The following NDST3 variants were observed in gnomAD, a reference collection of about 807,000 sequenced individuals.
NDST3 encodes the protein N-deacetylase and N-sulfotransferase 3.
Under a neutral mutation model 96.1 loss-of-function variants are expected in NDST3, and 58 were observed. The ratio of observed to expected loss-of-function variants is 0.60; its 90% CI spans 0.49 to 0.75. The LOEUF (loss-of-function observed/expected upper bound fraction) is 0.75, where lower values mean the gene tolerates loss of function less well. Among genes scored for constraint, NDST3 ranks in the 30% least tolerant of loss-of-function variants. NDST3 has a pLI of 0.00. For synonymous variants in NDST3, 333 were observed against 359.7 expected, an observed-to-expected ratio of 0.93 and a Z score of 0.84; for missense variants, 788 against 1,034.2, an observed-to-expected ratio of 0.76 and a Z score of 3.27.
intron 6 of NDST3, chr4:118,193,949 G>C: frequency 1.1e-6 from 1 of 938,902 alleles, no homozygotes; most frequent in Non-Finnish European, 1.8e-6. Flanking sequence ...GAAGTACACA[G>C]TGTCCCACTC....
chr4:118,129,294 G>GT (rs1365955266), intron 4 of NDST3, among the ~76,000 whole-genome samples: 1 of 151,566 alleles, frequency 6.6e-6, no homozygotes, highest in African/African-American at 2.4e-5. Flanking sequence ...TTATTTGAAG[G>GT]TTTTTTCTTT....
At chr4:118,054,998 G>A in intron 2 of NDST3, 107 bp downstream of exon 2, 1 of 1,368,876 alleles carries the variant, frequency 7.3e-7, no homozygotes, top group Non-Finnish European at 1.0e-6. Flanking sequence ...GGGATTTACT[G>A]GGAAAGTCTG....
At chr4:118,108,479 TTGTA>T (rs1288371275) in intron 3 of NDST3, among the ~76,000 whole-genome samples, 2 of 152,220 alleles carry the variant, frequency 1.3e-5, no homozygotes, top group South Asian at 2.1e-4. Flanking sequence ...AAGAGTTACT[TTGTA>T]TGTATTTGAT....
intron 6 of NDST3, among the ~76,000 whole-genome samples, chr4:118,222,588 G>A (rs1739623525): frequency 2.0e-5 from 3 of 152,042 alleles, no homozygotes; most frequent in African/African-American, 4.8e-5. Context: ...ATATTAAAGT[G>A]GGAATATAAA....
intron 9 of NDST3, among the ~76,000 whole-genome samples, chr4:118,234,726 C>A (rs1740525871): frequency 6.6e-6 from 1 of 151,718 alleles, no homozygotes; most frequent in South Asian, 2.1e-4. Context: ...TGGCTAGGTA[C>A]TCTAATAGGA....
chr4:118,180,777 C>T (rs1736561215), intron 6 of NDST3, among the ~76,000 whole-genome samples: 1 of 152,132 alleles, frequency 6.6e-6, no homozygotes, highest in Non-Finnish European at 1.5e-5. Context: ...CCAGCTTATA[C>T]TTTTACAGTC....
intron 2 of NDST3, among the ~76,000 whole-genome samples, chr4:118,058,704 A>C (rs997118088): frequency 6.6e-6 from 1 of 151,490 alleles, no homozygotes; most frequent in South Asian, 2.1e-4. Context: ...TGACGTTCAA[A>C]ATTTCAAGTT....
chr4:118,255,138 T>C (rs571445703), intron 13 of NDST3, among the ~76,000 whole-genome samples: 2 of 152,366 alleles, frequency 1.3e-5, no homozygotes, highest in African/African-American at 4.8e-5. Context: ...TCTTAGCATT[T>C]TGTTTTACTC....
intron 6 of NDST3, among the ~76,000 whole-genome samples, chr4:118,199,219 C>A (rs946346741): frequency 1.3e-5 from 2 of 152,236 alleles, no homozygotes; most frequent in East Asian, 3.9e-4. Flanking sequence ...TTTTCTAGAT[C>A]CTGTAGGCAT....
chr4:118,086,478 G>A (rs1728431663), intron 2 of NDST3, among the ~76,000 whole-genome samples: 1 of 151,828 alleles, frequency 6.6e-6, no homozygotes, highest in African/African-American at 2.4e-5. Flanking sequence ...CCCGCCCTCT[G>A]ACACCTTCTT....
chr4:118,253,680 G>A, intron 13 of NDST3, 79 bp downstream of exon 13: 1 of 967,552 alleles, frequency 1.0e-6, no homozygotes, highest in Non-Finnish European at 1.5e-6. Context: ...TAAAAAACTA[G>A]TTAAAGTCAA....
At chr4:118,194,309 TC>T (rs1186009951) in intron 6 of NDST3, 5 of 734,214 alleles carry the variant, frequency 6.8e-6, no homozygotes, top group Admixed American at 3.5e-5. Context: ...TGTAGATGAT[TC>T]CGCCATCTTC....
At chr4:118,037,466 A>G (rs963183351) in intron 1 of NDST3, among the ~76,000 whole-genome samples, 3 of 152,200 alleles carry the variant, frequency 2.0e-5, no homozygotes, top group African/African-American at 7.2e-5. Flanking sequence ...CAAGTGCTGA[A>G]GCTGGTATGC....
At chr4:118,123,776 A>G (rs1412621943) in intron 4 of NDST3, among the ~76,000 whole-genome samples, 1 of 152,128 alleles carries the variant, frequency 6.6e-6, no homozygotes, top group Non-Finnish European at 1.5e-5. Flanking sequence ...GGAAAACAAC[A>G]TGCTCAGTTA....
chr4:118,134,969 C>T (rs1390583219), intron 4 of NDST3, among the ~76,000 whole-genome samples: 1 of 152,158 alleles, frequency 6.6e-6, no homozygotes, highest in African/African-American at 2.4e-5. Flanking sequence ...AATCTCAAAT[C>T]GAACAATCCA....
At chr4:118,169,509 G>C (rs1230559786) in intron 6 of NDST3, among the ~76,000 whole-genome samples, 1 of 151,984 alleles carries the variant, frequency 6.6e-6, no homozygotes, top group Non-Finnish European at 1.5e-5. Flanking sequence ...AAAACCTGAA[G>C]TGGGCCGGGC....
chr4:118,162,258 T>C (rs556309978), intron 6 of NDST3, among the ~76,000 whole-genome samples: 1 of 152,084 alleles, frequency 6.6e-6, no homozygotes, highest in Non-Finnish European at 1.5e-5. Flanking sequence ...TACTTTAAAG[T>C]TCATATGGAA....
intron 3 of NDST3, among the ~76,000 whole-genome samples, chr4:118,113,507 A>C (rs1730813067): frequency 6.6e-6 from 1 of 152,142 alleles, no homozygotes; most frequent in African/African-American, 2.4e-5. Context: ...TGACCATGAA[A>C]TCTCATAGTA....
chr4:118,206,452 G>A (rs1231732354), intron 6 of NDST3, among the ~76,000 whole-genome samples: 1 of 144,248 alleles, frequency 6.9e-6, no homozygotes, highest in Admixed American at 6.9e-5. Flanking sequence ...ACTGTTTCAG[G>A]CCTAAAGCAC....
Sources: allele counts gnomAD v4.1 joint callset (sites outside exome capture counted in the v4.1 genomes callset), GRCh38; gene constraint gnomAD v4.1.1; transcripts MANE v1.5; gene names NCBI Gene and HGNC (gene_info 2026-07-23, HGNC 2026-07-21).